The following WDFY2 variants were observed in gnomAD, a reference collection of about 807,000 sequenced individuals.
WDFY2 encodes the protein WD repeat and FYVE domain-containing protein 2.
A neutral mutation model predicts 56.4 loss-of-function variants in WDFY2; 36 were observed. The ratio of observed to expected loss-of-function variants is 0.64; its 90% CI spans 0.49 to 0.84. The LOEUF (loss-of-function observed/expected upper bound fraction) is 0.84. WDFY2 is among the 40% of genes least tolerant of loss of function. The probability of loss-of-function intolerance (pLI) is 0.00; values close to 1 mark genes in which losing one functional copy is unlikely to be tolerated. For missense variants in WDFY2, 444 were observed against 512.2 expected (o/e 0.87, Z 1.29); for synonymous variants, 176 against 183.7 (o/e 0.96, Z 0.34).
At chr13:51,706,344 T>TG (rs1215394840) in intron 4 of WDFY2, among the ~76,000 whole-genome samples, 2 of 152,136 alleles carry the variant, frequency 1.3e-5, no homozygotes, top group Non-Finnish European at 2.9e-5. Flanking sequence ...GCAGCTGTCT[T>TG]GGGGAGATGG....
intron 1 of WDFY2, chr13:51,588,780 T>G (rs1317774548): frequency 6.6e-6 from 1 of 152,160 alleles, no homozygotes; most frequent in Admixed American, 6.5e-5. Context: ...TCCTCACATT[T>G]TGAGGAATCT....
intron 3 of WDFY2, among the ~76,000 whole-genome samples, chr13:51,691,355 T>C (rs1163738175): frequency 6.6e-6 from 1 of 151,310 alleles, no homozygotes; most frequent in Non-Finnish European, 1.5e-5. Context: ...CTTTAATCCA[T>C]CTTGAATTAA....
intron 2 of WDFY2, among the ~76,000 whole-genome samples, chr13:51,668,213 T>C (rs1955747455): frequency 6.6e-6 from 1 of 152,170 alleles, no homozygotes; most frequent in Non-Finnish European, 1.5e-5. Context: ...ATGAAGCTAA[T>C]GGAAATCCAA....
chr13:51,741,691 C>A (rs993280367), intron 7 of WDFY2, among the ~76,000 whole-genome samples: 11 of 152,232 alleles, frequency 7.2e-5, no homozygotes, highest in Non-Finnish European at 1.5e-4. Context: ...TCAAAACACA[C>A]AGACTCCGTT....
intron 3 of WDFY2, among the ~76,000 whole-genome samples, chr13:51,693,295 T>A (rs1448697114): frequency 6.6e-6 from 1 of 152,090 alleles, no homozygotes; most frequent in Non-Finnish European, 1.5e-5. Flanking sequence ...TTTTGGATCT[T>A]TCCTGCTTTC....
chr13:51,688,966 A>G (rs913941897), intron 3 of WDFY2, among the ~76,000 whole-genome samples: 1 of 152,204 alleles, frequency 6.6e-6, no homozygotes, highest in Admixed American at 6.5e-5. Flanking sequence ...GCGGGGACAC[A>G]AAATACTTTA....
At chr13:51,734,229 C>CA (rs925367283) in intron 6 of WDFY2, among the ~76,000 whole-genome samples, 122 of 150,582 alleles carry the variant, frequency 8.1e-4, no homozygotes, top group South Asian at 2.1e-3. Context: ...GTAAAAGTCT[C>CA]AAAAAAAAAT....
chr13:51,690,766 G>A (rs1956139072), intron 3 of WDFY2, among the ~76,000 whole-genome samples: 1 of 152,086 alleles, frequency 6.6e-6, no homozygotes, highest in African/African-American at 2.4e-5. Context: ...CTGAGGAATC[G>A]CCACACTGAC....
chr13:51,645,787 T>G (rs549086900), intron 1 of WDFY2, among the ~76,000 whole-genome samples: 2 of 152,314 alleles, frequency 1.3e-5, no homozygotes, highest in African/African-American at 2.4e-5. Flanking sequence ...GTTGTTGGCC[T>G]TCTTTTCTTA....
At chr13:51,702,842 G>A (rs368727033) in intron 3 of WDFY2, among the ~76,000 whole-genome samples, 1 of 152,052 alleles carries the variant, frequency 6.6e-6, no homozygotes, top group South Asian at 2.1e-4. Flanking sequence ...AAGAATACCT[G>A]GATATTTTGC....
At chr13:51,652,201 GT>G (rs1261090273) in intron 1 of WDFY2, among the ~76,000 whole-genome samples, 1 of 152,162 alleles carries the variant, frequency 6.6e-6, no homozygotes. Flanking sequence ...TTTAAAGTCT[GT>G]TTTATCAGAG....
intron 5 of WDFY2, among the ~76,000 whole-genome samples, chr13:51,722,664 A>G (rs942687513): frequency 6.6e-6 from 1 of 152,222 alleles, no homozygotes; most frequent in African/African-American, 2.4e-5. Flanking sequence ...CTCAGGGAGT[A>G]GGTGACTTGC....
intron 1 of WDFY2, among the ~76,000 whole-genome samples, chr13:51,645,788 T>C (rs562747353): frequency 1.3e-5 from 2 of 152,300 alleles, no homozygotes; most frequent in African/African-American, 2.4e-5. Context: ...TTGTTGGCCT[T>C]CTTTTCTTAT....
At chr13:51,691,334 A>T (rs1358675958) in intron 3 of WDFY2, among the ~76,000 whole-genome samples, 1 of 151,602 alleles carries the variant, frequency 6.6e-6, no homozygotes, top group East Asian at 1.9e-4. Flanking sequence ...TTTTAGGTCT[A>T]ACGTTTAAGT....
intron 1 of WDFY2, among the ~76,000 whole-genome samples, chr13:51,605,562 T>A (rs1482692185): frequency 1.3e-5 from 2 of 152,188 alleles, no homozygotes; most frequent in Non-Finnish European, 2.9e-5. Context: ...TTTCACCAAA[T>A]ATATATTATG....
intron 1 of WDFY2, among the ~76,000 whole-genome samples, chr13:51,652,773 C>T (rs538095561): frequency 3.3e-5 from 5 of 152,310 alleles, no homozygotes; most frequent in East Asian, 1.9e-4. Context: ...CCGAGAGATC[C>T]GCTGTTAGTC....
intron 1 of WDFY2, chr13:51,588,106 G>C (rs1953978658): frequency 6.6e-6 from 1 of 152,246 alleles, no homozygotes; most frequent in Non-Finnish European, 1.5e-5. Flanking sequence ...CTTTGCTTTA[G>C]TTGTAGTTAG....
intron 7 of WDFY2, among the ~76,000 whole-genome samples, chr13:51,742,642 A>G (rs1278266128): frequency 6.6e-6 from 1 of 152,096 alleles, no homozygotes; most frequent in African/African-American, 2.4e-5. Context: ...CACGCCCGTA[A>G]TTTTTCTTTC....
chr13:51,707,597 C>G (rs961198203), intron 4 of WDFY2, among the ~76,000 whole-genome samples: 3 of 152,116 alleles, frequency 2.0e-5, no homozygotes, highest in Admixed American at 2.0e-4. Context: ...CATAGACCTT[C>G]ACTAAATGAA....
Sources: gnomAD v4.1 joint callset for allele counts (sites outside exome capture counted in the v4.1 genomes callset) on GRCh38, gnomAD v4.1.1 for gene constraint, MANE v1.5 for transcripts, NCBI Gene and HGNC (gene_info 2026-07-23, HGNC 2026-07-21) for gene names.